The following FBN2 variants were observed in gnomAD, a reference collection of about 807,000 sequenced individuals.
The protein encoded by FBN2 is fibrillin-2.
FBN2 carries 105 observed loss-of-function variants against 355.6 expected under a neutral mutation model. The observed-to-expected ratio is 0.30, with a 90% confidence interval of 0.25 to 0.35. The LOEUF is 0.35. Among genes scored for constraint, FBN2 ranks in the 10% least tolerant of loss-of-function variants. FBN2 has a pLI of 1.00. For missense variants in FBN2, 3,280 were observed against 3,758.7 expected, an observed-to-expected ratio of 0.87 and a Z score of 3.33; for synonymous variants, 1,350 against 1,301.2, an observed-to-expected ratio of 1.04 and a Z score of -0.81.
At chr5:128,366,263 A>G in intron 17 of FBN2, 114 bp downstream of exon 17, 1 of 543,672 alleles carries the variant, frequency 1.8e-6, no homozygotes, top group Non-Finnish European at 3.3e-6. Flanking sequence ...AATTAATCTT[A>G]TTATTTTATA....
chr5:128,454,961 T>C (rs1256239958), intron 6 of FBN2, among the ~76,000 whole-genome samples: 1 of 152,202 alleles, frequency 6.6e-6, no homozygotes, highest in African/African-American at 2.4e-5. Flanking sequence ...TGAAGTAGTT[T>C]AAAAGCCTAA....
chr5:128,282,634 G>C (rs1388115813), intron 55 of FBN2, among the ~76,000 whole-genome samples: 1 of 151,990 alleles, frequency 6.6e-6, no homozygotes, highest in Non-Finnish European at 1.5e-5. Flanking sequence ...CTGAGAAGAG[G>C]TTGAAAAAAA....
intron 5 of FBN2, among the ~76,000 whole-genome samples, chr5:128,498,291 G>A (rs1184580389): frequency 6.6e-6 from 1 of 152,166 alleles, no homozygotes; most frequent in Non-Finnish European, 1.5e-5. Context: ...ACAGCCAATG[G>A]AAGCAAAAAT....
At chr5:128,428,181 C>G (rs1023641959) in intron 7 of FBN2, among the ~76,000 whole-genome samples, 1 of 152,104 alleles carries the variant, frequency 6.6e-6, no homozygotes, top group Non-Finnish European at 1.5e-5. Flanking sequence ...CAGGAGCCTC[C>G]CAAGTGGTCT....
At chr5:128,323,707 G>A (rs1262793139) in intron 34 of FBN2, among the ~76,000 whole-genome samples, 1 of 152,184 alleles carries the variant, frequency 6.6e-6, no homozygotes, top group Non-Finnish European at 1.5e-5. Context: ...ATTTTATTGA[G>A]AATCTTTGCA....
chr5:128,334,621 G>A (rs768749225), intron 31 of FBN2, 98 bp downstream of exon 31: 5 of 1,275,352 alleles, frequency 3.9e-6, no homozygotes, highest in Non-Finnish European at 5.7e-6. Context: ...CTGGTGGCAG[G>A]TAACCGCTCT....
Position 128,535,218 on chromosome 5 carries a change from G to A in FBN2, c.337+1184C>T, listed in dbSNP as rs1286717242. 3.3e-5 allele frequency among the ~76,000 whole-genome samples: 5 copies of A among 152,358 alleles called. No individual in the cohort carries two copies. In the East Asian group the frequency reaches 9.6e-4, roughly 29 times the overall value. On this transcript the variant is annotated intron_variant, in intron 2 of 64. Coordinates refer to ENST00000262464, the MANE Select transcript of FBN2 (RefSeq NM_001999.4). ...TTTTTGCCATTGGAAATAGTGGGAT[G>A]TTAAGGTAGAAAAAATAAGAAGAAA... is the stretch of plus-strand genomic sequence containing the variant.
At chr5:128,304,422 TAA>T (rs1306358710) in intron 45 of FBN2, among the ~76,000 whole-genome samples, 1 of 152,246 alleles carries the variant, frequency 6.6e-6, no homozygotes, top group African/African-American at 2.4e-5. Flanking sequence ...TGGGAATTTT[TAA>T]AGAGTTTGGC....
chr5:128,345,331 C>T (rs780034807), intron 24 of FBN2, 26 bp downstream of exon 24: 4 of 1,582,708 alleles, frequency 2.5e-6, no homozygotes, highest in Non-Finnish European at 3.5e-6. Context: ...TGAAGAAGGA[C>T]CAAGGCGCTG....
At chr5:128,507,981 ATCT>A (rs1452997259) in intron 5 of FBN2, among the ~76,000 whole-genome samples, 32 of 152,104 alleles carry the variant, frequency 2.1e-4, no homozygotes, top group South Asian at 1.4e-3. Flanking sequence ...GAACCATCAC[ATCT>A]TCTTGATTAA....
chr5:128,440,468 G>C lies in FBN2; in HGVS notation c.952+6013C>G, dbSNP rs377282859. On this transcript the variant is annotated intron_variant, in intron 7 of 64. Transcript: ENST00000262464. ...AGAGCAGGAGAAAGAGAGACAGAAGGGGGAAGAGCTACACACTTCTAAACA... is the reference window on the plus strand; with the variant it reads ...AGAGCAGGAGAAAGAGAGACAGAAGCGGGAAGAGCTACACACTTCTAAACA... Among the ~76,000 whole-genome samples the C allele has an allele frequency of 3.3e-5, 5 of 152,226 alleles. No homozygotes were observed. The South Asian group carries it at 1.0e-3, about 32-fold the overall frequency.
At chr5:128,510,618 G>A (rs1756087078) in intron 5 of FBN2, among the ~76,000 whole-genome samples, 1 of 152,128 alleles carries the variant, frequency 6.6e-6, no homozygotes, top group South Asian at 2.1e-4. Context: ...TAAGCTCTAT[G>A]AGTTTTGAAT....
At chr5:128,518,390 C>A (rs1295363116) in intron 5 of FBN2, among the ~76,000 whole-genome samples, 1 of 152,080 alleles carries the variant, frequency 6.6e-6, no homozygotes, top group Non-Finnish European at 1.5e-5. Context: ...TTGGACAATG[C>A]GGGATGCCTA....
Position 128,262,019 on chromosome 5 carries a change from T to C in FBN2, c.8193-112A>G, listed in dbSNP as rs1581171802. The C allele has an allele frequency of 6.0e-6, 5 of 839,950 alleles. No homozygotes were observed. The East Asian group carries it at 7.3e-5, about 12-fold the overall frequency. The allele number at this position is 839,950 out of a possible 1,614,324, so 52.0% of individuals were successfully genotyped here. ...GAAACCAACAGAGCAAACACTAAACTCATAAACATAAAACCCTAATATTCT... is the reference window on the plus strand; with the variant it reads ...GAAACCAACAGAGCAAACACTAAACCCATAAACATAAAACCCTAATATTCT... On this transcript the variant is annotated intron_variant, in intron 63 of 64. Transcript: ENST00000262464.
At chr5:128,306,077 CTAG>C in intron 42 of FBN2, 129 bp from the exon 43 acceptor site, 1 of 852,662 alleles carries the variant, frequency 1.2e-6, no homozygotes, top group Non-Finnish European at 1.9e-6. Flanking sequence ...CTATTATATA[CTAG>C]TATAGCTAAT....
At chr5:128,310,158 A>G (rs759186467) in intron 39 of FBN2, 50 bp from the exon 40 acceptor site, 2 of 1,454,322 alleles carry the variant, frequency 1.4e-6, no homozygotes, top group Non-Finnish European at 1.9e-6. Context: ...TTTTTCAATG[A>G]ATTTATATTA....
At chr5:128,299,107 C>T (rs561430641) in intron 48 of FBN2, among the ~76,000 whole-genome samples, 1 of 152,000 alleles carries the variant, frequency 6.6e-6, no homozygotes. Context: ...AGGTGTCAGT[C>T]TGCCCCTGCT....
rs1262248789 is a variant in FBN2, at chr5:128,479,448, C to T, written c.629-14527G>A. ...TAATATTATATCACTACTCTAAATA[C>T]ATTACATATTTTTACTTTTTTAATC... On this transcript the variant is annotated intron_variant, in intron 5 of 64. Transcript: ENST00000262464. Among the ~76,000 whole-genome samples the T allele has an allele frequency of 2.6e-5, 4 of 152,008 alleles. 1 individual carries two copies. The highest frequency in any genetic ancestry group is 9.7e-5 in the African/African-American group (4 of 41,392).
At chr5:128,426,158 G>T (rs995317670) in intron 7 of FBN2, among the ~76,000 whole-genome samples, 1 of 152,074 alleles carries the variant, frequency 6.6e-6, no homozygotes, top group Non-Finnish European at 1.5e-5. Context: ...ATAGCTGAAT[G>T]GGGAGACTAC....
Sources: gnomAD v4.1 joint callset for allele counts (sites outside exome capture counted in the v4.1 genomes callset) on GRCh38, gnomAD v4.1.1 for gene constraint, MANE v1.5 for transcripts, NCBI Gene and HGNC (gene_info 2026-07-23, HGNC 2026-07-21) for gene names.